HERC6: variants seen among roughly 807,000 people sequenced by gnomAD.
HERC6 encodes the protein HECT and RLD domain containing E3 ubiquitin protein ligase family member 6.
HERC6 carries 101 observed loss-of-function variants against 114.5 expected under a neutral mutation model. The ratio of observed to expected loss-of-function variants is 0.88; its 90% confidence interval spans 0.75 to 1.04. The LOEUF is 1.04. HERC6 is among the 50% of genes least tolerant of loss of function. HERC6 has a pLI of 0.00. For synonymous variants in HERC6, 408 were observed against 436.2 expected (o/e 0.94, Z 0.81); for missense variants, 1,133 against 1,230.9 (o/e 0.92, Z 1.19).
At chr4:88,383,761 C>A (rs1734437786) in intron 2 of HERC6, among the ~76,000 whole-genome samples, 1 of 40,742 alleles carries the variant, frequency 2.5e-5, no homozygotes, top group African/African-American at 8.9e-5. Flanking sequence ...GAGACTCAGT[C>A]TCAAAAAAAA....
chr4:88,390,948 G>T, intron 4 of HERC6, 69 bp downstream of exon 4: 4 of 1,349,496 alleles, frequency 3.0e-6, no homozygotes, highest in Non-Finnish European at 4.1e-6. Flanking sequence ...ACTTGGCAAA[G>T]GGCAGTCTTA....
At chr4:88,435,989 A>G in intron 18 of HERC6, 98 bp downstream of exon 18, 1 of 837,444 alleles carries the variant, frequency 1.2e-6, no homozygotes, top group Non-Finnish European at 1.7e-6. Context: ...ATGGTCTTCA[A>G]TTTCAATAAT....
At chr4:88,379,673 TATAAATATATACAA>T (rs1307945827) in intron 1 of HERC6, among the ~76,000 whole-genome samples, 1 of 75,864 alleles carries the variant, frequency 1.3e-5, no homozygotes, top group Non-Finnish European at 2.2e-5. Context: ...ATATATAATA[TATAAATATATACAA>T]ATATATAATA....
chr4:88,414,807 T>C (rs544959138), intron 12 of HERC6, among the ~76,000 whole-genome samples: 1 of 152,330 alleles, frequency 6.6e-6, no homozygotes, highest in Admixed American at 6.5e-5. Flanking sequence ...TGTTTTATCA[T>C]CAAGGTCTTT....
intron 6 of HERC6, 30 bp from the exon 7 acceptor site, chr4:88,396,821 C>T: frequency 1.3e-6 from 2 of 1,482,244 alleles, no homozygotes; most frequent in Non-Finnish European, 1.8e-6. Flanking sequence ...GTGCCTTAGT[C>T]TTCATTATGG....
chr4:88,431,071 G>T (rs1738147831), intron 16 of HERC6, 91 bp from the exon 17 acceptor site: 2 of 1,122,464 alleles, frequency 1.8e-6, no homozygotes, highest in Admixed American at 2.2e-5. Flanking sequence ...TCTAGAGACT[G>T]CAAGAATGGT....
At chr4:88,404,193 C>CTT (rs202005015) in intron 8 of HERC6, among the ~76,000 whole-genome samples, 4 of 137,126 alleles carry the variant, frequency 2.9e-5, no homozygotes, top group Non-Finnish European at 6.3e-5. Context: ...AATTTCATTT[C>CTT]TTTTTTTTTT....
intron 20 of HERC6, 71 bp downstream of exon 20, chr4:88,437,852 A>AAATT: frequency 8.9e-7 from 1 of 1,120,096 alleles, no homozygotes; most frequent in Non-Finnish European, 1.3e-6. Flanking sequence ...TATTCTTTTA[A>AAATT]AATGTATTTT....
At chr4:88,421,489 C>G (rs1368093848) in intron 13 of HERC6, among the ~76,000 whole-genome samples, 1 of 150,970 alleles carries the variant, frequency 6.6e-6, no homozygotes, top group Non-Finnish European at 1.5e-5. Context: ...GCTCTGTTGC[C>G]CAGGCTGGAA....
At chr4:88,435,698 C>T in intron 17 of HERC6, 27 bp from the exon 18 acceptor site, 3 of 1,404,296 alleles carry the variant, frequency 2.1e-6, no homozygotes, top group South Asian at 1.7e-5. Context: ...TTTATAATAC[C>T]TTAGGGATTT....
At chr4:88,421,271 G>A (rs973887580) in intron 13 of HERC6, among the ~76,000 whole-genome samples, 6 of 152,140 alleles carry the variant, frequency 3.9e-5, no homozygotes, top group Admixed American at 2.6e-4. Context: ...AAATTTTTGT[G>A]TAGACATGTT....
At chr4:88,396,396 A>C (rs1735230759) in intron 6 of HERC6, among the ~76,000 whole-genome samples, 1 of 152,204 alleles carries the variant, frequency 6.6e-6, no homozygotes, top group Admixed American at 6.5e-5. Context: ...GTAGATTGAT[A>C]AAAATAGCAG....
chr4:88,426,993 T>A (rs908711903), intron 15 of HERC6, among the ~76,000 whole-genome samples: 4 of 152,210 alleles, frequency 2.6e-5, no homozygotes, highest in Admixed American at 2.6e-4. Flanking sequence ...CATGTTTCTC[T>A]CTGGGTCATT....
chr4:88,441,900 G>A (rs1739390888), intron 22 of HERC6, among the ~76,000 whole-genome samples: 1 of 152,146 alleles, frequency 6.6e-6, no homozygotes, highest in Non-Finnish European at 1.5e-5. Flanking sequence ...AGCCTGGTGT[G>A]ACCTCTGTGA....
In HERC6 at chr4:88,442,534, A is replaced by C; in HGVS notation, c.*74A>C. ...GTTCTTCCTTACACCTAAATAATAC[A>C]AGAGATTAATGAATAGTGGTTAGAA... On this transcript the variant is annotated 3_prime_UTR_variant, in exon 23 of 23. Transcript: ENST00000264346. The C allele has an allele frequency of 9.4e-7, 1 of 1,059,884 alleles. No homozygotes were observed. Among genetic ancestry groups the C allele is most frequent in the Non-Finnish European group, 1.4e-6 (1 of 702,184 alleles). The allele number at this position is 1,059,884 out of a possible 1,614,324, so 65.7% of individuals were successfully genotyped here. A position where few individuals can be genotyped will look rare whatever the true frequency, so the allele number is the denominator to read the frequency against.
chr4:88,423,118 G>A (rs1203309459), intron 13 of HERC6, among the ~76,000 whole-genome samples: 1 of 148,852 alleles, frequency 6.7e-6, no homozygotes, highest in East Asian at 2.0e-4. Flanking sequence ...TTTTAAAGAC[G>A]CAGTCTTTTC....
intron 17 of HERC6, among the ~76,000 whole-genome samples, chr4:88,433,929 T>C (rs891886512): frequency 1.3e-5 from 2 of 152,204 alleles, no homozygotes; most frequent in Non-Finnish European, 2.9e-5. Context: ...AATATAGGAA[T>C]GGCTAAGGTG....
At chr4:88,393,702 C>A (rs1735044265) in intron 5 of HERC6, 120 bp downstream of exon 5, 4 of 525,928 alleles carry the variant, frequency 7.6e-6, no homozygotes, top group Middle Eastern at 2.9e-4. Flanking sequence ...TAACAAAATA[C>A]CATAAAAAGA....
intron 13 of HERC6, among the ~76,000 whole-genome samples, chr4:88,422,085 A>G (rs986205298): frequency 6.6e-6 from 1 of 152,124 alleles, no homozygotes; most frequent in Non-Finnish European, 1.5e-5. Flanking sequence ...TTATGCACAA[A>G]TGTTTTTTAT....
Sources: gnomAD v4.1 joint callset for allele counts (sites outside exome capture counted in the v4.1 genomes callset) on GRCh38, gnomAD v4.1.1 for gene constraint, MANE v1.5 for transcripts, NCBI Gene and HGNC (gene_info 2026-07-23, HGNC 2026-07-21) for gene names.